Variants in FGGY observed in about 807,000 individuals in gnomAD.
FGGY encodes FGGY carbohydrate kinase domain-containing protein.
FGGY carries 72 observed loss-of-function variants against 71.3 expected under a neutral mutation model. The observed-to-expected ratio is 1.01, with a 90% CI of 0.84 to 1.23. The LOEUF is 1.23. Among genes scored for constraint, FGGY ranks in the 50% most tolerant of loss-of-function variants. The pLI is 0.00. For synonymous variants in FGGY, 251 were observed against 250.3 expected (o/e 1.00, Z -0.02); for missense variants, 668 against 682.3 (o/e 0.98, Z 0.23).
chr1:59,457,852 T>G (rs1488587367), intron 6 of FGGY, among the ~76,000 whole-genome samples: 2 of 152,228 alleles, frequency 1.3e-5, no homozygotes, highest in Non-Finnish European at 2.9e-5. Context: ...GGCTCCTAAC[T>G]AAGGCCTTAG....
chr1:59,389,417 A>T (rs889671933), intron 5 of FGGY, among the ~76,000 whole-genome samples: 2 of 152,194 alleles, frequency 1.3e-5, no homozygotes, highest in Admixed American at 1.3e-4. Flanking sequence ...TTTATGACTG[A>T]ATAATCACAT....
At chr1:59,346,861 A>G (rs2052042333) in intron 4 of FGGY, among the ~76,000 whole-genome samples, 1 of 150,614 alleles carries the variant, frequency 6.6e-6, no homozygotes. Context: ...GGCCAGGCTG[A>G]TTTCGAACTC....
intron 9 of FGGY, among the ~76,000 whole-genome samples, 192 bp downstream of exon 9, chr1:59,608,102 C>T (rs548939908): frequency 6.6e-6 from 1 of 152,292 alleles, no homozygotes; most frequent in Non-Finnish European, 1.5e-5. Flanking sequence ...AGTGTTACAG[C>T]AGGCAGTGAT....
chr1:59,617,225 A>G (rs553754749), intron 9 of FGGY, among the ~76,000 whole-genome samples: 1 of 152,210 alleles, frequency 6.6e-6, no homozygotes, highest in East Asian at 1.9e-4. Flanking sequence ...GGGAAGTGAG[A>G]AAACAGAGAA....
At chr1:59,492,923 C>T (rs1485241161) in intron 6 of FGGY, among the ~76,000 whole-genome samples, 4 of 152,094 alleles carry the variant, frequency 2.6e-5, no homozygotes, top group African/African-American at 9.7e-5. Flanking sequence ...ATTAAGGCTT[C>T]AGGTTGCTTC....
chr1:59,736,727 A>G (rs1489330046), intron 14 of FGGY, among the ~76,000 whole-genome samples: 1 of 152,250 alleles, frequency 6.6e-6, no homozygotes, highest in African/African-American at 2.4e-5. Flanking sequence ...AAAACGGAGC[A>G]TGAAAGTTTG....
intron 14 of FGGY, among the ~76,000 whole-genome samples, chr1:59,678,600 C>G (rs1314656295): frequency 6.6e-6 from 1 of 152,146 alleles, no homozygotes; most frequent in Admixed American, 6.5e-5. Flanking sequence ...AAAGAGACAG[C>G]AACATGAAAT....
intron 6 of FGGY, 54 bp downstream of exon 6, chr1:59,457,130 G>A: frequency 7.9e-7 from 1 of 1,272,690 alleles, no homozygotes; most frequent in Non-Finnish European, 1.1e-6. Context: ...GATCTTGATG[G>A]GTTTGTTGTT....
chr1:59,467,002 G>GTATATAC (rs2092673254), intron 6 of FGGY, among the ~76,000 whole-genome samples: 1 of 152,130 alleles, frequency 6.6e-6, no homozygotes, highest in African/African-American at 2.4e-5. Flanking sequence ...CCATTACTGG[G>GTATATAC]TATATACCCA....
At chr1:59,751,083 C>T (rs191129077) in intron 14 of FGGY, among the ~76,000 whole-genome samples, 7 of 152,198 alleles carry the variant, frequency 4.6e-5, no homozygotes, top group Non-Finnish European at 8.8e-5. Context: ...CCACTGAGTC[C>T]GAATGTAGGG....
chr1:59,638,209 A>C lies in FGGY; in HGVS notation c.1074-19A>C, dbSNP rs865937712. 6 of 1,609,772 alleles carry C rather than the reference A, an allele frequency of 3.7e-6. No homozygotes were observed. The highest frequency in any genetic ancestry group is 5.1e-6 in the Non-Finnish European group (6 of 1,177,438). Reference sequence around the variant, plus strand: ...TGACCCTATCCCCCCTTTAAAAATAAAATTCACTTCTCTTCCAGATGCCAG... The same window carrying C: ...TGACCCTATCCCCCCTTTAAAAATACAATTCACTTCTCTTCCAGATGCCAG... On this transcript the variant is annotated intron_variant, in intron 10 of 15. Coordinates refer to ENST00000303721, the MANE Select transcript of FGGY (RefSeq NM_018291.5).
At chr1:59,520,260 T>C (rs2094787927) in intron 7 of FGGY, among the ~76,000 whole-genome samples, 1 of 152,210 alleles carries the variant, frequency 6.6e-6, no homozygotes, top group Non-Finnish European at 1.5e-5. Context: ...TTTTGTGAAA[T>C]TGACTCTTCA....
chr1:59,670,273 T>G (rs2097365886), intron 13 of FGGY, among the ~76,000 whole-genome samples: 1 of 152,266 alleles, frequency 6.6e-6, no homozygotes, highest in African/African-American at 2.4e-5. Context: ...CATTTGCATT[T>G]GTCCCTGTAA....
At chr1:59,712,354 A>G (rs2097801226) in intron 14 of FGGY, among the ~76,000 whole-genome samples, 1 of 152,136 alleles carries the variant, frequency 6.6e-6, no homozygotes, top group Admixed American at 6.5e-5. Context: ...CAGCTTTTCC[A>G]GGCGTGCAGT....
At chr1:59,453,726 G>T (rs1385293204) in intron 5 of FGGY, among the ~76,000 whole-genome samples, 1 of 152,096 alleles carries the variant, frequency 6.6e-6, no homozygotes, top group Non-Finnish European at 1.5e-5. Context: ...GAAACACATA[G>T]AATCTCTTGA....
chr1:59,590,889 T>G (rs577585225), intron 8 of FGGY, among the ~76,000 whole-genome samples: 1 of 152,284 alleles, frequency 6.6e-6, no homozygotes, highest in African/African-American at 2.4e-5. Context: ...AAGACAGGGA[T>G]GCCCTGTCTC....
Position 59,346,893 on chromosome 1 carries a change from A to G in FGGY, c.465+495A>G, listed in dbSNP as rs371957049. On this transcript the variant is annotated intron_variant, in intron 4 of 15. Coordinates refer to ENST00000303721, the MANE Select transcript of FGGY (RefSeq NM_018291.5). Reference sequence around the variant, plus strand: ...ACTCCTGGCCTTATGTGATCCTGCAAAAGTGATATGATTATAGGTGTGAAC... The same window carrying G: ...ACTCCTGGCCTTATGTGATCCTGCAGAAGTGATATGATTATAGGTGTGAAC... Among the ~76,000 whole-genome samples the G allele has an allele frequency of 1.3e-4, 19 of 151,866 alleles. No individual in the cohort carries two copies. In the South Asian group the frequency reaches 4.0e-3, roughly 32 times the overall value.
intron 6 of FGGY, among the ~76,000 whole-genome samples, chr1:59,464,817 C>A (rs888465922): frequency 3.6e-4 from 55 of 152,094 alleles, no homozygotes; most frequent in African/African-American, 1.3e-3. Flanking sequence ...CAAGACTAAA[C>A]CAGGAAAAAG....
chr1:59,475,947 C>G (rs557409919), intron 6 of FGGY, among the ~76,000 whole-genome samples: 4 of 152,312 alleles, frequency 2.6e-5, no homozygotes, highest in African/African-American at 9.6e-5. Flanking sequence ...AAAAATAACT[C>G]CTTGCCATGT....
Sources: allele counts gnomAD v4.1 joint callset (sites outside exome capture counted in the v4.1 genomes callset), GRCh38; gene constraint gnomAD v4.1.1; transcripts MANE v1.5; gene names NCBI Gene and HGNC (gene_info 2026-07-23, HGNC 2026-07-21).